KMT5B: variants seen among roughly 807,000 people sequenced by gnomAD.
KMT5B encodes the protein histone-lysine N-methyltransferase KMT5B.
A neutral mutation model predicts 83.2 loss-of-function variants in KMT5B; 10 were observed. That is an observed-to-expected ratio of 0.12 (90% confidence interval 0.07 to 0.20). The LOEUF is 0.20. Among genes scored for constraint, KMT5B ranks in the 10% least tolerant of loss-of-function variants. The pLI is 1.00. For missense variants in KMT5B, 753 were observed against 1,067.2 expected (o/e 0.71, Z 4.10); for synonymous variants, 349 against 388.8 (o/e 0.90, Z 1.20).
chr11:68,180,797 C>T (rs1298115490), intron 3 of KMT5B, among the ~76,000 whole-genome samples: 2 of 152,108 alleles, frequency 1.3e-5, no homozygotes, highest in South Asian at 2.1e-4. Context: ...TAAAATATCC[C>T]GCTCCCACTC....
intron 10 of KMT5B, among the ~76,000 whole-genome samples, chr11:68,163,315 C>T (rs575861732): frequency 1.3e-5 from 2 of 152,346 alleles, no homozygotes; most frequent in Admixed American, 6.5e-5. Flanking sequence ...ACCAAGCTTA[C>T]ACGAACTAGC....
In KMT5B at chr11:68,194,902, T is replaced by G. The variant is rs1160085981; in HGVS notation, c.-76-4750A>C. Among the ~76,000 whole-genome samples, 3 of 152,194 alleles carry G rather than the reference T, an allele frequency of 2.0e-5. No individual in the cohort carries two copies. In the East Asian group the frequency reaches 5.8e-4, roughly 29 times the overall value. On this transcript the variant is annotated intron_variant, in intron 1 of 10. Transcript: ENST00000304363. ...ATTAACAACAAGCAAATGGGCCAGGTGGTGGCTTATGCCTATAATCCTAGC... is the reference window on the plus strand; with the variant it reads ...ATTAACAACAAGCAAATGGGCCAGGGGGTGGCTTATGCCTATAATCCTAGC...
At chr11:68,191,173 T>TGTGTGTGTGTGTGTGTGTGTGTG in intron 1 of KMT5B, among the ~76,000 whole-genome samples, 1 of 139,172 alleles carries the variant, frequency 7.2e-6, no homozygotes, top group South Asian at 2.4e-4. Flanking sequence ...TTTTAAAACT[T>TGTGTGTGTGTGTGTGTGTGTGTG]TGTGTGTGTG....
chr11:68,195,090 T>C (rs1464026694), intron 1 of KMT5B, among the ~76,000 whole-genome samples: 2 of 152,130 alleles, frequency 1.3e-5, no homozygotes, highest in African/African-American at 2.4e-5. Flanking sequence ...AGTGGGAGGA[T>C]GGCTGCAGCC....
chr11:68,161,425 A>G (rs1854856041), intron 10 of KMT5B, among the ~76,000 whole-genome samples: 1 of 152,078 alleles, frequency 6.6e-6, no homozygotes. Context: ...ATTTATGACC[A>G]AACTTAGTGG....
rs1474640095 is a variant in KMT5B, at chr11:68,158,175, T to C, written c.2171A>G (p.His724Arg). Reference sequence around the variant, plus strand: ...GTCATTTGTTTTGCTGCTGCTATCATGACGCCTACGAAGAGTCAATTTGGG... The same window carrying C: ...GTCATTTGTTTTGCTGCTGCTATCACGACGCCTACGAAGAGTCAATTTGGG... ...GIPKLTLRRR[H>R]DSSSKTNDQE... The change falls in exon 11 of 11, where the codon CAT becomes CGT. Residue 724 changes from histidine to arginine, a missense_variant. Coordinates refer to ENST00000304363, the MANE Select transcript of KMT5B (RefSeq NM_017635.5). 6.2e-7 allele frequency: 1 copy of C among 1,614,222 alleles called. No homozygotes were observed. The highest frequency in any genetic ancestry group is 8.5e-7 in the Non-Finnish European group (1 of 1,180,046).
intron 1 of KMT5B, among the ~76,000 whole-genome samples, chr11:68,196,924 A>AAATAGAAATAAAATATATGG (rs1858791472): frequency 1.3e-5 from 2 of 152,198 alleles, no homozygotes; most frequent in African/African-American, 4.8e-5. Context: ...TAATTATATG[A>AAATAGAAATAAAATATATGG]AATAGAAATA....
chr11:68,207,810 A>T (rs1364407645), intron 1 of KMT5B, among the ~76,000 whole-genome samples: 1 of 149,282 alleles, frequency 6.7e-6, no homozygotes, highest in African/African-American at 2.5e-5. Flanking sequence ...AAAAAAACAA[A>T]CCAAAAAACA....
chr11:68,189,859 G>C (rs558138432), intron 2 of KMT5B, 58 bp downstream of exon 2: 3 of 1,505,028 alleles, frequency 2.0e-6, no homozygotes, highest in African/African-American at 1.4e-5. Flanking sequence ...TTACAAACTG[G>C]AAAGAATTAC....
intron 3 of KMT5B, among the ~76,000 whole-genome samples, chr11:68,184,686 G>A (rs1337692146): frequency 2.0e-5 from 3 of 152,196 alleles, no homozygotes; most frequent in African/African-American, 7.2e-5. Context: ...GCCAGAACTA[G>A]CTCTATCTTC....
At chr11:68,172,195 AGTTAAGT>A (rs1277006641) in intron 6 of KMT5B, among the ~76,000 whole-genome samples, 1 of 152,180 alleles carries the variant, frequency 6.6e-6, no homozygotes, top group Non-Finnish European at 1.5e-5. Context: ...ACATTGAGAA[AGTTAAGT>A]GAATATAGGT....
At chr11:68,205,707 A>C (rs1479433475) in intron 1 of KMT5B, among the ~76,000 whole-genome samples, 3 of 144,560 alleles carry the variant, frequency 2.1e-5, no homozygotes, top group African/African-American at 7.8e-5. Flanking sequence ...TGCAAGCTCC[A>C]CCTCCCGGGT....
At chr11:68,202,096 T>C (rs560104399) in intron 1 of KMT5B, among the ~76,000 whole-genome samples, 1 of 152,250 alleles carries the variant, frequency 6.6e-6, no homozygotes, top group Admixed American at 6.5e-5. Flanking sequence ...GGTTCTAGCC[T>C]GTTAGAGGAC....
chr11:68,190,078 C>T lies in KMT5B; in HGVS notation c.-2G>A, dbSNP rs1328054680. On this transcript the variant is annotated 5_prime_UTR_variant, in exon 2 of 11. Coordinates refer to ENST00000304363, the MANE Select transcript of KMT5B (RefSeq NM_017635.5). ...CTTGGATTCTCCCAACCACTTCATACCCACAGACAGCCTGACCCAGGTGCA... is the reference window on the plus strand; with the variant it reads ...CTTGGATTCTCCCAACCACTTCATATCCACAGACAGCCTGACCCAGGTGCA... The T allele has an allele frequency of 6.2e-7, 1 of 1,613,138 alleles. No homozygotes were observed. Among genetic ancestry groups the T allele is most frequent in the East Asian group, 2.2e-5 (1 of 44,842 alleles).
At chr11:68,164,200 A>G (rs1477400511) in intron 10 of KMT5B, among the ~76,000 whole-genome samples, 1 of 152,214 alleles carries the variant, frequency 6.6e-6, no homozygotes, top group East Asian at 1.9e-4. Flanking sequence ...CATAGCTCTC[A>G]AGGTACTTTC....
intron 1 of KMT5B, among the ~76,000 whole-genome samples, chr11:68,191,466 TG>T (rs1448603625): frequency 6.6e-6 from 1 of 152,094 alleles, no homozygotes; most frequent in East Asian, 1.9e-4. Context: ...CCTGAGTAGG[TG>T]GGATTACAGG....
chr11:68,184,358 T>C (rs1290483517), intron 3 of KMT5B, among the ~76,000 whole-genome samples: 6 of 151,530 alleles, frequency 4.0e-5, no homozygotes, highest in Admixed American at 2.0e-4. Context: ...GGCGACAGAG[T>C]GAGACTCCAT....
At chr11:68,205,643 C>T (rs1860006534) in intron 1 of KMT5B, among the ~76,000 whole-genome samples, 4 of 141,712 alleles carry the variant, frequency 2.8e-5, no homozygotes, top group South Asian at 4.5e-4. Context: ...TTTTTTCAGA[C>T]GGAGTCTCAC....
chr11:68,176,974 A>T (rs1856449004), intron 4 of KMT5B, among the ~76,000 whole-genome samples: 1 of 152,212 alleles, frequency 6.6e-6, no homozygotes, highest in African/African-American at 2.4e-5. Context: ...AAACTCCAGC[A>T]AAGGAAGCAT....
Sources: gnomAD v4.1 joint callset for allele counts (sites outside exome capture counted in the v4.1 genomes callset) on GRCh38, gnomAD v4.1.1 for gene constraint, MANE v1.5 for transcripts, NCBI Gene and HGNC (gene_info 2026-07-23, HGNC 2026-07-21) for gene names.